The following CNBD1 variants were observed in gnomAD, a reference collection of about 807,000 sequenced individuals.
The protein encoded by CNBD1 is cyclic nucleotide binding domain containing 1, also known as cyclic nucleotide-binding domain-containing protein 1.
In CNBD1, 71 loss-of-function variants were observed where a neutral mutation model predicts 54.4. The ratio of observed to expected loss-of-function variants is 1.30; its 90% CI spans 1.08 to 1.59. The LOEUF (loss-of-function observed/expected upper bound fraction) is 1.59, where lower values mean the gene tolerates loss of function less well. Ranked by LOEUF, CNBD1 falls within the 40% of genes most tolerant of loss-of-function variation. The probability of loss-of-function intolerance (pLI) is 0.00; values close to 1 mark genes in which losing one functional copy is unlikely to be tolerated. For synonymous variants in CNBD1, 182 were observed against 170.7 expected (o/e 1.07, Z -0.51); for missense variants, 659 against 518.0 (o/e 1.27, Z -2.64).
chr8:87,387,956 C>T (rs1811225029), intron 2 of CNBD1, among the ~76,000 whole-genome samples: 1 of 152,174 alleles, frequency 6.6e-6, no homozygotes, highest in African/African-American at 2.4e-5. Context: ...GAAACTGACT[C>T]AAAACCGCTC....
intron 2 of CNBD1, among the ~76,000 whole-genome samples, chr8:87,407,673 T>G (rs1807673772): frequency 6.6e-6 from 1 of 152,060 alleles, no homozygotes; most frequent in African/African-American, 2.4e-5. Flanking sequence ...TTTTTCCTTT[T>G]TTCTTTTATT....
In CNBD1 at chr8:87,321,143, G is replaced by T. The variant is rs1232181838; in HGVS notation, c.1043-30542G>T. 1.0e-4 allele frequency among the ~76,000 whole-genome samples: 6 copies of T among 59,642 alleles called. No homozygotes were observed. In the East Asian group the frequency reaches 1.7e-3, roughly 17 times the overall value. The allele number at this position is 59,642 out of a possible 152,430, so 39.1% of individuals were successfully genotyped here. ...GCCATTGTGAATAATGCTACAACAG[G>T]ACATAGTAGTTTTTTGAGATCCTGA... is the stretch of plus-strand genomic sequence containing the variant. On this transcript the variant is annotated intron_variant, in intron 8 of 10. Coordinates refer to ENST00000518476, the MANE Select transcript of CNBD1 (RefSeq NM_173538.3).
intron 2 of CNBD1, among the ~76,000 whole-genome samples, chr8:87,389,816 C>G (rs1032328859): frequency 3.9e-5 from 6 of 152,168 alleles, no homozygotes; most frequent in Non-Finnish European, 8.8e-5. Flanking sequence ...AAGAACAAAA[C>G]TGGAGGCATC....
chr8:87,333,988 C>G (rs1428373354), intron 8 of CNBD1, among the ~76,000 whole-genome samples: 1 of 152,068 alleles, frequency 6.6e-6, no homozygotes, highest in East Asian at 1.9e-4. Context: ...GCTGTTAATC[C>G]ATCTGGTCCT....
In CNBD1 at chr8:87,192,944, G is replaced by A. The variant is rs554247276; in HGVS notation, c.432-13049G>A. ...AATCCTTCTATCACAAGAATCATGTGATAACATTAGTGAAAATATTACAAA... is the reference window on the plus strand; with the variant it reads ...AATCCTTCTATCACAAGAATCATGTAATAACATTAGTGAAAATATTACAAA... On this transcript the variant is annotated intron_variant, in intron 4 of 10. Transcript: ENST00000518476. Among the ~76,000 whole-genome samples the A allele has an allele frequency of 2.0e-5, 3 of 152,254 alleles. No individual in the cohort carries two copies. In the East Asian group the frequency reaches 5.8e-4, roughly 29 times the overall value.
downstream of CNBD1, among the ~76,000 whole-genome samples, chr8:87,386,762 C>G (rs1811198259): frequency 6.6e-6 from 1 of 152,100 alleles, no homozygotes; most frequent in Non-Finnish European, 1.5e-5. Flanking sequence ...GAGAACGCCA[C>G]AAAGATACTC....
intron 2 of CNBD1, among the ~76,000 whole-genome samples, chr8:87,417,984 T>C (rs1400142081): frequency 6.6e-6 from 1 of 152,030 alleles, no homozygotes; most frequent in Admixed American, 6.6e-5. Context: ...TTCTCTTAAT[T>C]GATCTACAGA....
intron 2 of CNBD1, among the ~76,000 whole-genome samples, chr8:87,397,471 A>G (rs1483853766): frequency 6.6e-6 from 1 of 151,932 alleles, no homozygotes; most frequent in Non-Finnish European, 1.5e-5. Flanking sequence ...TGTTGATGAA[A>G]TATAACTTTG....
rs1266113100 is a variant in CNBD1 at position 87,073,282 on chromosome 8, C to G, written c.432-132711C>G. ...GCTCAGTAAAGTTTGTTATTACTCA[C>G]CTTGTGAAGCCTACTTCTGTCAATT... On this transcript the variant is annotated intron_variant, in intron 4 of 10. Transcript: ENST00000518476. 4.6e-5 allele frequency among the ~76,000 whole-genome samples: 7 copies of G among 152,092 alleles called. 1 individual carries two copies. In the East Asian group the frequency reaches 1.4e-3, roughly 30 times the overall value.
intron 4 of CNBD1, among the ~76,000 whole-genome samples, chr8:87,109,813 C>A (rs1274818961): frequency 1.3e-5 from 2 of 152,094 alleles, no homozygotes; most frequent in Non-Finnish European, 2.9e-5. Flanking sequence ...GCTGGGATTA[C>A]AAGTGTGAGC....
chr8:87,018,530 C>T (rs954590336), intron 4 of CNBD1, among the ~76,000 whole-genome samples: 3 of 152,120 alleles, frequency 2.0e-5, no homozygotes, highest in Non-Finnish European at 2.9e-5. Flanking sequence ...AATTTTTCTT[C>T]ATATTTTTAG....
intron 4 of CNBD1, among the ~76,000 whole-genome samples, chr8:87,148,846 G>A (rs2130746189): frequency 1.3e-5 from 2 of 152,288 alleles, no homozygotes; most frequent in Middle Eastern, 6.8e-3. Flanking sequence ...AGTTATGACT[G>A]TTATGATACT....
chr8:87,249,162 C>A (rs918208674), intron 6 of CNBD1, among the ~76,000 whole-genome samples: 1 of 152,152 alleles, frequency 6.6e-6, no homozygotes, highest in Non-Finnish European at 1.5e-5. Context: ...ACTGCCTCAG[C>A]TCCACGTCAG....
chr8:87,060,897 G>C (rs1810530094), intron 4 of CNBD1, among the ~76,000 whole-genome samples: 1 of 152,012 alleles, frequency 6.6e-6, no homozygotes, highest in Admixed American at 6.6e-5. Flanking sequence ...TAGCATTTTT[G>C]CTTATGGAGG....
intron 2 of CNBD1, among the ~76,000 whole-genome samples, chr8:86,897,551 GGTCTACCCAAGAATGCAGATAGTGA>G: frequency 6.6e-6 from 1 of 152,196 alleles, no homozygotes; most frequent in South Asian, 2.1e-4. Flanking sequence ...AAAGATAGTG[GGTCTACCCAAGAATGCAGATAGTGA>G]GTCTACCCAT....
chr8:87,364,099 A>G (rs1563570504), intron 10 of CNBD1, among the ~76,000 whole-genome samples: 1 of 151,684 alleles, frequency 6.6e-6, no homozygotes, highest in African/African-American at 2.4e-5. Flanking sequence ...TTATAGAGGT[A>G]TTATACTGTT....
intron 4 of CNBD1, among the ~76,000 whole-genome samples, chr8:86,960,441 C>G (rs769563102): frequency 6.6e-6 from 1 of 152,082 alleles, no homozygotes; most frequent in African/African-American, 2.4e-5. Flanking sequence ...GGGGGAGGGG[C>G]GTCCACTGTC....
chr8:86,918,353 T>G (rs1358370413), intron 3 of CNBD1, among the ~76,000 whole-genome samples: 1 of 152,174 alleles, frequency 6.6e-6, no homozygotes, highest in Non-Finnish European at 1.5e-5. Context: ...TTAGAACATG[T>G]TTCTTTCCTC....
At chr8:86,920,923 G>T (rs1238746199) in intron 3 of CNBD1, among the ~76,000 whole-genome samples, 1 of 151,932 alleles carries the variant, frequency 6.6e-6, no homozygotes, top group Non-Finnish European at 1.5e-5. Context: ...CATTGGTATA[G>T]TGTATGCATA....
Sources: gnomAD v4.1 joint callset for allele counts (sites outside exome capture counted in the v4.1 genomes callset) on GRCh38, gnomAD v4.1.1 for gene constraint, MANE v1.5 for transcripts, NCBI Gene and HGNC (gene_info 2026-07-23, HGNC 2026-07-21) for gene names.